The following SLC35F3 variants were observed in gnomAD, a reference collection of about 807,000 sequenced individuals.
SLC35F3 encodes putative thiamine transporter SLC35F3.
In SLC35F3, 25 loss-of-function variants were observed where a neutral mutation model predicts 49.9. The ratio of observed to expected loss-of-function variants is 0.50; its 90% CI spans 0.37 to 0.70. The LOEUF (loss-of-function observed/expected upper bound fraction) is 0.70. Ranked by LOEUF, SLC35F3 falls within the 30% of genes least tolerant of loss-of-function variation. The pLI is 0.00. For synonymous variants in SLC35F3, 275 were observed against 265.4 expected (o/e 1.04, Z -0.35); for missense variants, 525 against 639.8 (o/e 0.82, Z 1.94).
At chr1:234,109,969 C>T (rs556925022) in intron 2 of SLC35F3, among the ~76,000 whole-genome samples, 2 of 152,222 alleles carry the variant, frequency 1.3e-5, no homozygotes, top group South Asian at 4.2e-4. Flanking sequence ...GCAACTAGCT[C>T]TGGTTGGCAG....
At chr1:234,112,556 CTTT>C (rs777353110) in intron 2 of SLC35F3, among the ~76,000 whole-genome samples, 1 of 116,352 alleles carries the variant, frequency 8.6e-6, no homozygotes. Context: ...AATTCACACT[CTTT>C]TTTTTTTTTT....
intron 2 of SLC35F3, among the ~76,000 whole-genome samples, chr1:234,121,133 C>CTTTTTTT (rs66702949): frequency 3.9e-5 from 4 of 102,784 alleles, no homozygotes; most frequent in South Asian, 3.6e-4. Flanking sequence ...TGAAAAATTA[C>CTTTTTTT]TTTTTTTTTT....
At chr1:234,286,404 G>A (rs1288853555) in intron 3 of SLC35F3, among the ~76,000 whole-genome samples, 1 of 152,230 alleles carries the variant, frequency 6.6e-6, no homozygotes, top group Admixed American at 6.5e-5. Flanking sequence ...CAGGGGCGGG[G>A]GCGGGCAGCC....
chr1:233,966,634 A>G (rs528125259), intron 2 of SLC35F3, among the ~76,000 whole-genome samples: 30 of 146,184 alleles, frequency 2.1e-4, no homozygotes, highest in African/African-American at 7.3e-4. Flanking sequence ...AGATCCTATT[A>G]AAAAAATAAT....
chr1:234,119,333 A>G (rs1298516551), intron 2 of SLC35F3, among the ~76,000 whole-genome samples: 1 of 151,986 alleles, frequency 6.6e-6, no homozygotes, highest in Non-Finnish European at 1.5e-5. Flanking sequence ...CGTTCAAACA[A>G]AAATCTCTTA....
intron 2 of SLC35F3, among the ~76,000 whole-genome samples, chr1:234,187,259 C>T (rs1666656114): frequency 6.6e-6 from 1 of 152,172 alleles, no homozygotes; most frequent in African/African-American, 2.4e-5. Context: ...TTCCCAACCT[C>T]CTAGGCGAAT....
intron 2 of SLC35F3, among the ~76,000 whole-genome samples, chr1:234,031,778 T>A (rs1480475474): frequency 6.6e-6 from 1 of 152,342 alleles, no homozygotes; most frequent in Middle Eastern, 3.4e-3. Context: ...GTCACAACTG[T>A]GTCCATTTCA....
chr1:234,179,581 C>T (rs1487106163), intron 2 of SLC35F3, among the ~76,000 whole-genome samples: 1 of 152,182 alleles, frequency 6.6e-6, no homozygotes, highest in African/African-American at 2.4e-5. Flanking sequence ...CTATCCTCCT[C>T]CTAGCTATTT....
intron 2 of SLC35F3, among the ~76,000 whole-genome samples, chr1:234,004,428 T>C (rs1241555233): frequency 2.0e-5 from 3 of 152,188 alleles, no homozygotes; most frequent in Non-Finnish European, 4.4e-5. Context: ...TCTATGTTTA[T>C]ATCCATATAG....
chr1:234,211,963 C>G (rs1017670011), intron 2 of SLC35F3, among the ~76,000 whole-genome samples: 1 of 152,154 alleles, frequency 6.6e-6, no homozygotes, highest in Admixed American at 6.5e-5. Context: ...GTAATTGAAT[C>G]ATGGGGGCAG....
intron 2 of SLC35F3, among the ~76,000 whole-genome samples, chr1:234,154,208 G>A (rs980470443): frequency 5.3e-5 from 8 of 152,070 alleles, no homozygotes; most frequent in African/African-American, 9.7e-5. Context: ...CTGTGATTAC[G>A]CCACAGCACT....
At chr1:233,905,872 C>G in intron 2 of SLC35F3, 114 bp downstream of exon 2, 1 of 993,074 alleles carries the variant, frequency 1.0e-6, no homozygotes, top group Non-Finnish European at 1.5e-6. Context: ...CCCGCCCTGC[C>G]TGCTGATACA....
chr1:233,959,592 AGT>A lies in SLC35F3; in HGVS notation c.283+53835_283+53836del, dbSNP rs554880591. Among the ~76,000 whole-genome samples, 398 of 151,518 alleles carry A rather than the reference AGT, an allele frequency of 2.6e-3. 1 individual carries two copies. Among genetic ancestry groups the A allele is most frequent in the Non-Finnish European group, 4.2e-3 (284 of 68,034 alleles). ...GATCCTTGTGAGTACCATGAATGTC[AGT>A]CAGGTTTTAAGACTAAATGGGTAGA... On this transcript the variant is annotated intron_variant, in intron 2 of 7. Coordinates refer to ENST00000366618, the MANE Select transcript of SLC35F3 (RefSeq NM_173508.4).
chr1:234,100,283 T>C (rs1189291828), intron 2 of SLC35F3, among the ~76,000 whole-genome samples: 1 of 152,252 alleles, frequency 6.6e-6, no homozygotes, highest in Non-Finnish European at 1.5e-5. Context: ...TCTGATATTA[T>C]AATTATTTCT....
At chr1:234,175,355 C>T (rs1019520061) in intron 2 of SLC35F3, among the ~76,000 whole-genome samples, 3 of 152,148 alleles carry the variant, frequency 2.0e-5, no homozygotes, top group African/African-American at 4.8e-5. Context: ...TAAATGCTAT[C>T]TGCATTTCCC....
chr1:233,908,220 T>C (rs1661808034), intron 2 of SLC35F3, among the ~76,000 whole-genome samples: 1 of 151,782 alleles, frequency 6.6e-6, no homozygotes, highest in African/African-American at 2.4e-5. Context: ...ATTCTCATGA[T>C]CTCCAGAGTG....
At chr1:234,096,643 G>A (rs996844974) in intron 2 of SLC35F3, among the ~76,000 whole-genome samples, 7 of 152,168 alleles carry the variant, frequency 4.6e-5, no homozygotes, top group African/African-American at 1.7e-4. Flanking sequence ...CAAGACTGGA[G>A]AAGGTTGGGG....
At chr1:234,302,168 G>T (rs517451) in intron 3 of SLC35F3, among the ~76,000 whole-genome samples, 114,979 of 150,992 alleles carry the variant, frequency 0.76, 44,376 homozygotes, top group African/African-American at 0.9. Context: ...TGTTGTTGTT[G>T]TTTTTTTTAA....
Position 233,905,583 on chromosome 1 carries a change from C to G in SLC35F3, c.108C>G (p.Pro36=), listed in dbSNP as rs1469945493. Residue 36 remains proline, a synonymous_variant, in exon 2 of 8, where the codon CCC becomes CCG. Transcript: ENST00000366618. ...VSPRRLSDIS[P]QLRQLKYLVV... is the part of the protein sequence containing the mutation. ...CCCGGAGACTGTCCGACATCAGCCC[C>G]CAGCTCCGGCAGCTCAAGTACTTGG... 1.9e-6 allele frequency: 3 copies of G among 1,614,040 alleles called. No homozygotes were observed. The highest frequency in any genetic ancestry group is 2.7e-5 in the African/African-American group (2 of 74,946).
Sources: gnomAD v4.1 joint callset for allele counts (sites outside exome capture counted in the v4.1 genomes callset) on GRCh38, gnomAD v4.1.1 for gene constraint, MANE v1.5 for transcripts, NCBI Gene and HGNC (gene_info 2026-07-23, HGNC 2026-07-21) for gene names.